HECW2: variants seen among roughly 807,000 people sequenced by gnomAD.
HECW2 encodes E3 ubiquitin-protein ligase HECW2.
Under a neutral mutation model 175.2 loss-of-function variants are expected in HECW2, and 61 were observed. The observed-to-expected ratio is 0.35, with a 90% CI of 0.28 to 0.43. HECW2 has a LOEUF of 0.43. Ranked by LOEUF, HECW2 falls within the 20% of genes least tolerant of loss-of-function variation. The pLI, the probability that HECW2 is intolerant of heterozygous loss-of-function variation, is 1.00. For synonymous variants in HECW2, 671 were observed against 731.0 expected, an observed-to-expected ratio of 0.92 and a Z score of 1.32; for missense variants, 1,524 against 2,000.5, an observed-to-expected ratio of 0.76 and a Z score of 4.54.
intron 15 of HECW2, among the ~76,000 whole-genome samples, chr2:196,275,737 C>T (rs72923333): frequency 0.15 from 22,795 of 150,518 alleles, 2,086 homozygotes; most frequent in East Asian, 0.32. Flanking sequence ...GGCGACAAAG[C>T]AAGACTCTGT....
At chr2:196,406,917 A>G (rs944246512) in intron 2 of HECW2, among the ~76,000 whole-genome samples, 1 of 152,142 alleles carries the variant, frequency 6.6e-6, no homozygotes, top group African/African-American at 2.4e-5. Context: ...TATTATCTGC[A>G]TTGTACTTAC....
At chr2:196,555,139 G>A (rs1689750447) in intron 1 of HECW2, among the ~76,000 whole-genome samples, 1 of 152,124 alleles carries the variant, frequency 6.6e-6, no homozygotes, top group Admixed American at 6.5e-5. Flanking sequence ...GAAAAAACAA[G>A]CAATTTTTTT....
At chr2:196,210,196 A>G (rs1290976180) in intron 28 of HECW2, among the ~76,000 whole-genome samples, 16 of 152,168 alleles carry the variant, frequency 1.1e-4, no homozygotes, top group Admixed American at 1.0e-3. Context: ...AATTATTGAT[A>G]ACATTACAGA....
chr2:196,499,463 A>G (rs1687507327), intron 1 of HECW2, among the ~76,000 whole-genome samples: 1 of 152,204 alleles, frequency 6.6e-6, no homozygotes, highest in Non-Finnish European at 1.5e-5. Flanking sequence ...CATTACAAAT[A>G]TAAATAATGT....
Position 196,195,970 on chromosome 2 carries a change from C to G in HECW2, c.*5307G>C, listed in dbSNP as rs565352795. ...TCAGGGAGCATAGCTTTCTTCTTCT[C>G]AGTCTGAAACCAAATTGAAGTATGT... is the stretch of plus-strand genomic sequence containing the variant. On this transcript the variant is annotated 3_prime_UTR_variant, in exon 29 of 29. Transcript: ENST00000644978. 19 of 152,168 alleles carry G rather than the reference C, an allele frequency of 1.2e-4. No individual in the cohort carries two copies. The highest frequency in any genetic ancestry group is 2.5e-4 in the Non-Finnish European group (17 of 68,040). The allele number at this position is 152,168 out of a possible 1,614,324, so 9.4% of individuals were successfully genotyped here.
chr2:196,467,405 AGCT>A (rs1193814913), intron 1 of HECW2, among the ~76,000 whole-genome samples: 1 of 152,048 alleles, frequency 6.6e-6, no homozygotes, highest in African/African-American at 2.4e-5. Context: ...GGGGAGGAGG[AGCT>A]GCTATTTATT....
intron 1 of HECW2, among the ~76,000 whole-genome samples, chr2:196,444,268 G>A (rs747889481): frequency 7.8e-6 from 1 of 128,292 alleles, no homozygotes; most frequent in African/African-American, 2.7e-5. Context: ...CTTTGTGGTG[G>A]CTGAAGCGCA....
rs145470902 is a variant in HECW2, at chr2:196,454,979, C to T, written c.-35-21521G>A. On this transcript the variant is annotated intron_variant, in intron 1 of 28. Coordinates refer to ENST00000644978, the MANE Select transcript of HECW2 (RefSeq NM_001348768.2). ...AAAGGTAAAAGCAAATCTCATGTTTCGGTTTAATCTGTATTCATTTGATTA... is the reference window on the plus strand; with the variant it reads ...AAAGGTAAAAGCAAATCTCATGTTTTGGTTTAATCTGTATTCATTTGATTA... 3.1e-4 allele frequency among the ~76,000 whole-genome samples: 47 copies of T among 151,996 alleles called. No homozygotes were observed. In the East Asian group the frequency reaches 7.9e-3, roughly 26 times the overall value.
At chr2:196,206,003 CA>C (rs1041737892) in intron 28 of HECW2, among the ~76,000 whole-genome samples, 1 of 151,734 alleles carries the variant, frequency 6.6e-6, no homozygotes. Context: ...AGGAAAAAAA[CA>C]AAAAAAATGG....
At chr2:196,284,444 T>G (rs1690306791) in intron 14 of HECW2, among the ~76,000 whole-genome samples, 1 of 152,236 alleles carries the variant, frequency 6.6e-6, no homozygotes, top group South Asian at 2.1e-4. Flanking sequence ...GGGCACTGAC[T>G]GAATATAGCA....
chr2:196,380,480 C>A (rs955182141), intron 2 of HECW2, among the ~76,000 whole-genome samples: 1 of 152,112 alleles, frequency 6.6e-6, no homozygotes, highest in African/African-American at 2.4e-5. Context: ...TTCTGTTAGT[C>A]CCTTATGTGC....
chr2:196,533,697 T>C (rs1688921189), intron 1 of HECW2, among the ~76,000 whole-genome samples: 1 of 152,216 alleles, frequency 6.6e-6, no homozygotes, highest in Non-Finnish European at 1.5e-5. Context: ...TCTGTTACTG[T>C]CACCTTAAAC....
chr2:196,328,728 T>C (rs149361705), intron 5 of HECW2, among the ~76,000 whole-genome samples: 194 of 152,334 alleles, frequency 1.3e-3, no homozygotes, highest in African/African-American at 4.6e-3. Flanking sequence ...CATTAGACTT[T>C]ATTTTCTATG....
At chr2:196,375,450 T>C (rs183695965) in intron 2 of HECW2, among the ~76,000 whole-genome samples, 1 of 152,354 alleles carries the variant, frequency 6.6e-6, no homozygotes, top group Admixed American at 6.5e-5. Context: ...AGTTTCTCTA[T>C]AAACTTTAAT....
At chr2:196,529,083 C>G (rs1688761121) in intron 1 of HECW2, among the ~76,000 whole-genome samples, 1 of 152,184 alleles carries the variant, frequency 6.6e-6, no homozygotes, top group African/African-American at 2.4e-5. Flanking sequence ...GAAGCCACAC[C>G]ACATGGAATC....
At chr2:196,575,807 G>A (rs1188633334) in intron 1 of HECW2, among the ~76,000 whole-genome samples, 1 of 152,162 alleles carries the variant, frequency 6.6e-6, no homozygotes, top group Non-Finnish European at 1.5e-5. Context: ...GCAGGAGCAG[G>A]CGTGTCACAT....
chr2:196,301,528 C>T (rs1691051963), intron 13 of HECW2, among the ~76,000 whole-genome samples: 2 of 151,986 alleles, frequency 1.3e-5, no homozygotes, highest in Non-Finnish European at 2.9e-5. Context: ...TCTGTAACTT[C>T]GCCAGCATCT....
chr2:196,571,131 C>G (rs988058965), intron 1 of HECW2, among the ~76,000 whole-genome samples: 13 of 152,184 alleles, frequency 8.5e-5, no homozygotes, highest in African/African-American at 2.7e-4. Context: ...TATACTCTTC[C>G]TTTACACAAA....
intron 21 of HECW2, chr2:196,238,813 C>G (rs1688348249): frequency 6.6e-6 from 1 of 152,178 alleles, no homozygotes; most frequent in Admixed American, 6.5e-5. Context: ...GGACCTCCTC[C>G]TAGGAACTAA....
Sources: gnomAD v4.1 joint callset for allele counts (sites outside exome capture counted in the v4.1 genomes callset) on GRCh38, gnomAD v4.1.1 for gene constraint, MANE v1.5 for transcripts, NCBI Gene and HGNC (gene_info 2026-07-23, HGNC 2026-07-21) for gene names.